The following FSIP2 variants were observed in gnomAD, a reference collection of about 807,000 sequenced individuals.
The protein encoded by FSIP2 is fibrous sheath interacting protein 2.
A neutral mutation model predicts 510.5 loss-of-function variants in FSIP2; 367 were observed. The observed-to-expected ratio is 0.72, with a 90% CI of 0.66 to 0.78. The LOEUF (loss-of-function observed/expected upper bound fraction) is 0.78. Among genes scored for constraint, FSIP2 ranks in the 30% least tolerant of loss-of-function variants. The pLI is 0.00. For synonymous variants in FSIP2, 2,601 were observed against 2,732.2 expected (o/e 0.95, Z 1.50); for missense variants, 7,594 against 7,901.7 (o/e 0.96, Z 1.48).
Position 185,809,160 on chromosome 2 carries a change from A to G in FSIP2, c.19827+27A>G, listed in dbSNP as rs1333089351. On this transcript the variant is annotated intron_variant, in intron 17 of 22. Transcript: ENST00000424728. ...TAAGTGCAAAAGCAATGGCATGAAA[A>G]TGAGTGAATAGTGAGACATGGTTCT... 9.9e-6 allele frequency: 15 copies of G among 1,517,646 alleles called. No individual in the cohort carries two copies. The East Asian group carries it at 2.8e-4, about 28-fold the overall frequency. 94.0% of individuals were successfully genotyped at this position (1,517,646 alleles called of 1,614,324 possible).
In FSIP2 at chr2:185,813,889, T is replaced by G. The variant is rs1693785022; in HGVS notation, c.20172T>G (p.Ser6724Arg). The change falls in exon 18 of 23, where the codon AGT (serine) becomes AGG (arginine). Residue 6724 changes from serine to arginine, a missense_variant. Ser to Arg is a moderately radical substitution (Grantham distance 110). Coordinates refer to ENST00000424728, the MANE Select transcript of FSIP2 (RefSeq NM_173651.4). ...SLSKCCQTTA[S>R]ANIESTEAIS... Reference sequence around the variant, plus strand: ...GTAAATGTTGTCAGACCACAGCCAGTGCAAATATTGAAAGTACTGAAGCAA... The same window carrying G: ...GTAAATGTTGTCAGACCACAGCCAGGGCAAATATTGAAAGTACTGAAGCAA... 4.3e-6 allele frequency: 7 copies of G among 1,613,656 alleles called. No individual in the cohort carries two copies. Among genetic ancestry groups the G allele is most frequent in the Non-Finnish European group, 5.9e-6 (7 of 1,179,766 alleles).
At position 185,828,752 on chromosome 2, in the gene FSIP2, A is replaced by T. The variant is rs1302610855; in HGVS notation, c.20517+553A>T. Among the ~76,000 whole-genome samples, 3 of 151,882 alleles carry T rather than the reference A, an allele frequency of 2.0e-5. No homozygotes were observed. The South Asian group carries it at 6.2e-4, about 31-fold the overall frequency. On this transcript the variant is annotated intron_variant, in intron 21 of 22. Transcript: ENST00000424728. ...TTTCCTCTTTATAAATCTTTCTTAT[A>T]AAGTTTCCAATGAGAAATGAAGCTA...
At chr2:185,757,191 C>A (rs1692261589) in intron 9 of FSIP2, among the ~76,000 whole-genome samples, 1 of 151,450 alleles carries the variant, frequency 6.6e-6, no homozygotes, top group African/African-American at 2.4e-5. Flanking sequence ...TTATCTCAAG[C>A]AAACTGATCC....
chr2:185,831,786 A>T (rs769262527), intron 21 of FSIP2, 27 bp from the exon 22 acceptor site: 28 of 1,514,198 alleles, frequency 1.8e-5, no homozygotes, highest in Non-Finnish European at 2.6e-5. Flanking sequence ...TGAAAGACTC[A>T]GTTTGTATTT....
Position 185,804,731 on chromosome 2 carries a change from A to G in FSIP2, c.15425A>G (p.Lys5142Arg). Residue 5142 changes from lysine (K) to arginine (R), a missense_variant, in exon 17 of 23, where the codon AAA becomes AGA. Lys to Arg is a conservative substitution (Grantham distance 26). Transcript: ENST00000424728. ...STHTENELKE[K>R]KFPPDDEFVE... Reference sequence around the variant, plus strand: ...CACACTGAAAATGAACTAAAAGAGAAAAAGTTTCCACCGGATGATGAATTT... The same window carrying G: ...CACACTGAAAATGAACTAAAAGAGAGAAAGTTTCCACCGGATGATGAATTT... The G allele has an allele frequency of 6.5e-7, 1 of 1,530,560 alleles. No homozygotes were observed. The highest frequency in any genetic ancestry group is 8.7e-7 in the Non-Finnish European group (1 of 1,144,398). 94.8% of individuals were successfully genotyped at this position (1,530,560 alleles called of 1,614,324 possible). A position where few individuals can be genotyped will look rare whatever the true frequency, so the allele number is the denominator to read the frequency against.
At chr2:185,738,407 G>C (rs1489190865), upstream of FSIP2, among the ~76,000 whole-genome samples, 3 of 152,152 alleles carry the variant, frequency 2.0e-5, no homozygotes, top group Non-Finnish European at 4.4e-5. Context: ...AAGCCAACGC[G>C]TCTGCCTTGT....
chr2:185,757,435 G>C (rs142797656), intron 9 of FSIP2, among the ~76,000 whole-genome samples: 30 of 151,508 alleles, frequency 2.0e-4, no homozygotes, highest in African/African-American at 6.5e-4. Context: ...ATCAGAATTG[G>C]GTGGAGGGGG....
Position 185,746,764 on chromosome 2 carries a change from G to A in FSIP2, c.713G>A (p.Arg238Gln), listed in dbSNP as rs1472392028. The change falls in exon 6 of 23, where the codon CGG becomes CAG. Residue 238 changes from arginine (R) to glutamine (Q), a missense_variant. Physicochemically the swap from Arg to Gln is conservative, Grantham distance 43. Coordinates refer to ENST00000424728, the MANE Select transcript of FSIP2 (RefSeq NM_173651.4). ...ATGGATAGAGAAGAAAGACGACAGC[G>A]GGAACACACAAGAAGAAAACTTACT... is the stretch of plus-strand genomic sequence containing the variant. ...FLMDREERRQ[R>Q]EHTRRKLTLR... The A allele has an allele frequency of 2.9e-5, 45 of 1,530,230 alleles. No homozygotes were observed. The highest frequency in any genetic ancestry group is 3.9e-5 in the Non-Finnish European group (45 of 1,144,426). 94.8% of individuals were successfully genotyped at this position (1,530,230 alleles called of 1,614,324 possible). A position where few individuals can be genotyped will look rare whatever the true frequency, so the allele number is the denominator to read the frequency against.
At chr2:185,783,045 T>G (rs931544416) in intron 14 of FSIP2, among the ~76,000 whole-genome samples, 1 of 152,206 alleles carries the variant, frequency 6.6e-6, no homozygotes, top group Non-Finnish European at 1.5e-5. Flanking sequence ...CGGTAGCTTC[T>G]CATGATCTGG....
chr2:185,784,318 A>G (rs770967094), intron 14 of FSIP2, among the ~76,000 whole-genome samples: 7 of 152,086 alleles, frequency 4.6e-5, no homozygotes, highest in Non-Finnish European at 7.4e-5. Context: ...GAAGGCAATA[A>G]ATCTACTACC....
In FSIP2 at chr2:185,795,021, A is replaced by C; in HGVS notation, c.7885A>C (p.Lys2629Gln). ...TLLPYLPLQVKKDLIQMVLNK... is the reference protein window; with the variant it reads ...TLLPYLPLQVQKDLIQMVLNK... The stretch of plus-strand genomic sequence containing the variant: ...TTTGCCATATTTACCATTGCAAGTG[A>C]AGAAAGACTTAATTCAAATGGTTCT... Residue 2629 changes from lysine (K) to glutamine (Q), a missense_variant, in exon 16 of 23, where the codon AAG (lysine) becomes CAG (glutamine). Lys to Gln is a moderately conservative substitution (Grantham distance 53). Coordinates refer to ENST00000424728, the MANE Select transcript of FSIP2 (RefSeq NM_173651.4). The C allele has an allele frequency of 6.5e-7, 1 of 1,533,874 alleles. No homozygotes were observed. The highest frequency in any genetic ancestry group is 8.7e-7 in the Non-Finnish European group (1 of 1,145,836).
chr2:185,784,596 T>A (rs1433102910), intron 14 of FSIP2, among the ~76,000 whole-genome samples: 1 of 152,114 alleles, frequency 6.6e-6, no homozygotes, highest in Non-Finnish European at 1.5e-5. Flanking sequence ...GAACCTACTA[T>A]GTTCAAACTA....
intron 13 of FSIP2, chr2:185,765,396 A>G (rs1559016141): frequency 2.0e-5 from 3 of 152,094 alleles, no homozygotes; most frequent in Non-Finnish European, 4.4e-5. Context: ...TTTATTAAAT[A>G]GGGAATCCTT....
rs996638473 is a variant in FSIP2, at chr2:185,802,742, A to C, written c.13436A>C (p.Lys4479Thr). 1.3e-6 allele frequency: 2 copies of C among 1,512,486 alleles called. No homozygotes were observed. The highest frequency in any genetic ancestry group is 2.5e-5 in the South Asian group (2 of 79,446). The allele number at this position is 1,512,486 out of a possible 1,614,324, so 93.7% of individuals were successfully genotyped here. A position where few individuals can be genotyped will look rare whatever the true frequency, so the allele number is the denominator to read the frequency against. ...GATATGATCAGAGTACTATTATCTA[A>C]ATTATTTTCTTCTGCATCTAGCCTG... ...LEDMIRVLLS[K>T]LFSSASSLVL... is the part of the protein sequence containing the mutation. The change falls in exon 17 of 23, where the codon AAA becomes ACA. Residue 4479 changes from lysine (K) to threonine (T), a missense_variant. Coordinates refer to ENST00000424728, the MANE Select transcript of FSIP2 (RefSeq NM_173651.4).
At chr2:185,782,876 T>C (rs2105596942) in intron 14 of FSIP2, 114 bp downstream of exon 14, 2 of 668,538 alleles carry the variant, frequency 3.0e-6, no homozygotes, top group East Asian at 5.5e-5. Context: ...TCTACTTGGA[T>C]TTAGTGAAAC....
chr2:185,753,796 T>C lies in FSIP2; in HGVS notation c.945T>C (p.Asp315=), dbSNP rs1461046187. 2 of 1,483,458 alleles carry C rather than the reference T, an allele frequency of 1.3e-6. No individual in the cohort carries two copies. Among genetic ancestry groups the C allele is most frequent in the Non-Finnish European group, 1.8e-6 (2 of 1,113,604 alleles). The allele number at this position is 1,483,458 out of a possible 1,614,324, so 91.9% of individuals were successfully genotyped here. The change falls in exon 8 of 23, where the codon GAT becomes GAC. Residue 315 remains aspartate, a synonymous_variant. Coordinates refer to ENST00000424728, the MANE Select transcript of FSIP2 (RefSeq NM_173651.4). ...KMQDTGFNGE[D]IGKNTFKYRG... Reference sequence around the variant, plus strand: ...AAGATACTGGCTTTAACGGAGAAGATATAGGAAAAAATACATTTAAATACA... The same window carrying C: ...AAGATACTGGCTTTAACGGAGAAGACATAGGAAAAAATACATTTAAATACA...
At chr2:185,767,843 A>G (rs1692524578) in intron 13 of FSIP2, among the ~76,000 whole-genome samples, 1 of 152,138 alleles carries the variant, frequency 6.6e-6, no homozygotes, top group African/African-American at 2.4e-5. Flanking sequence ...TCTTCAACAT[A>G]CTGAAAACAT....
At chr2:185,817,011 G>A (rs1273939811) in intron 19 of FSIP2, among the ~76,000 whole-genome samples, 1 of 150,850 alleles carries the variant, frequency 6.6e-6, no homozygotes, top group Non-Finnish European at 1.5e-5. Flanking sequence ...GGGAGAGAGG[G>A]GTGAAGAAAG....
In FSIP2 at chr2:185,793,169, A is replaced by T; in HGVS notation, c.6033A>T (p.Leu2011Phe). 6.5e-7 allele frequency: 1 copy of T among 1,534,186 alleles called. No homozygotes were observed. The highest frequency in any genetic ancestry group is 8.7e-7 in the Non-Finnish European group (1 of 1,145,524). The change falls in exon 16 of 23, where the codon TTA becomes TTT. Residue 2011 changes from leucine to phenylalanine, a missense_variant. By Grantham distance (22) the Leu-to-Phe change is conservative. Transcript: ENST00000424728. ...CACTACAAGTGGCTAGAAGAAATTT[A>T]CAAGGAATCAAACAGGAATTAGATA... Reference protein sequence around the residue: ...TYALQVARRNLQGIKQELDKE... With the variant: ...TYALQVARRNFQGIKQELDKE...
Sources: gnomAD v4.1 joint callset for allele counts (sites outside exome capture counted in the v4.1 genomes callset) on GRCh38, gnomAD v4.1.1 for gene constraint, MANE v1.5 for transcripts, NCBI Gene and HGNC (gene_info 2026-07-23, HGNC 2026-07-21) for gene names.